The following ABCC2 variants were observed in gnomAD, a reference collection of about 807,000 sequenced individuals.
The protein encoded by ABCC2 is ATP-binding cassette sub-family C member 2.
ABCC2 carries 157 observed loss-of-function variants against 173.4 expected under a neutral mutation model. That is an observed-to-expected ratio of 0.91 (90% CI 0.80 to 1.03). The LOEUF (loss-of-function observed/expected upper bound fraction) is 1.03. Ranked by LOEUF, ABCC2 falls within the 50% of genes least tolerant of loss-of-function variation. The probability of loss-of-function intolerance (pLI) is 0.00; values close to 1 mark genes in which losing one functional copy is unlikely to be tolerated. For missense variants in ABCC2, 1,822 were observed against 1,852.3 expected (o/e 0.98, Z 0.30); for synonymous variants, 657 against 693.5 (o/e 0.95, Z 0.83).
At chr10:99,810,099 CTT>C in intron 13 of ABCC2, 33 bp from the exon 14 acceptor site, 1 of 1,588,670 alleles carries the variant, frequency 6.3e-7, no homozygotes, top group Non-Finnish European at 8.6e-7. Flanking sequence ...TCGTTACTGA[CTT>C]TAATTCTTGA....
Position 99,813,156 on chromosome 10 carries a change from T to C in ABCC2, c.2094+12T>C. 2.5e-6 allele frequency: 4 copies of C among 1,612,936 alleles called. No individual in the cohort carries two copies. Among genetic ancestry groups the C allele is most frequent in the Non-Finnish European group, 3.4e-6 (4 of 1,179,512 alleles). On this transcript the variant is annotated intron_variant, in intron 16 of 31. Transcript: ENST00000647814. ...ACATCACCATCAAGGTGAGAGGGAA[T>C]GCCAATGCAAAAGCCTCTGACTCCC...
chr10:99,849,332 C>T (rs1225007732), intron 30 of ABCC2, among the ~76,000 whole-genome samples: 1 of 152,222 alleles, frequency 6.6e-6, no homozygotes, highest in Non-Finnish European at 1.5e-5. Context: ...TGAAGACAGA[C>T]CTCTGTCAGT....
intron 6 of ABCC2, 191 bp downstream of exon 6, chr10:99,794,659 C>T (rs1397497342): frequency 5.4e-6 from 3 of 557,186 alleles, no homozygotes; most frequent in South Asian, 2.1e-5. Flanking sequence ...ATTATCCTGC[C>T]TCAGCCTCGC....
chr10:99,850,363 C>T (rs563783042), intron 30 of ABCC2, among the ~76,000 whole-genome samples: 9 of 152,300 alleles, frequency 5.9e-5, no homozygotes, highest in African/African-American at 2.2e-4. Flanking sequence ...TTGAGCAAAG[C>T]AAGGGCCCAG....
chr10:99,814,794 C>CGTGTGTGTGTGTGTATGT (rs1564686229), intron 16 of ABCC2, among the ~76,000 whole-genome samples: 3 of 90,700 alleles, frequency 3.3e-5, no homozygotes, highest in African/African-American at 1.5e-4. Context: ...TACACACACA[C>CGTGTGTGTGTGTGTATGT]ATATGTGTGT....
rs556817133 is a variant in ABCC2 at position 99,815,733 on chromosome 10, T to C, written c.2095-1575T>C. Among the ~76,000 whole-genome samples the C allele has an allele frequency of 2.6e-3, 391 of 152,156 alleles. 3 individuals carry two copies. Among genetic ancestry groups the C allele is most frequent in the African/African-American group, 8.5e-3 (353 of 41,420 alleles). ...GAATGCTTCCTCCAATTGATTTATA[T>C]TGACCTGCTTGACAAAAAAATGTAA... On this transcript the variant is annotated intron_variant, in intron 16 of 31. Transcript: ENST00000647814.
rs747613558 is a variant in ABCC2, at chr10:99,818,804, T to TG, written c.2291dup (p.Gln765SerfsTer22). 6.2e-7 allele frequency: 1 copy of TG among 1,614,050 alleles called. No homozygotes were observed. The highest frequency in any genetic ancestry group is 1.3e-5 in the African/African-American group (1 of 74,932). On this transcript the variant is annotated frameshift_variant, in exon 18 of 32. Coordinates refer to ENST00000647814, the MANE Select transcript of ABCC2 (RefSeq NM_000392.5). LOFTEE classifies it high-confidence loss of function. Reference sequence around the variant, plus strand: ...TTCTTCTTCAGGGTATAAATCTTAGTGGGGGTCAGAAGCAGCGGATCAGCC... The same window carrying TG: ...TTCTTCTTCAGGGTATAAATCTTAGTGGGGGGTCAGAAGCAGCGGATCAGCC...
At chr10:99,819,420 T>C in intron 19 of ABCC2, 151 bp downstream of exon 19, 1 of 832,658 alleles carries the variant, frequency 1.2e-6, no homozygotes, top group South Asian at 1.5e-5. Context: ...GTTCTGTGTC[T>C]CTTTGAGGAA....
intron 9 of ABCC2, 115 bp from the exon 10 acceptor site, chr10:99,803,904 C>T: frequency 7.4e-7 from 1 of 1,351,284 alleles, no homozygotes; most frequent in Non-Finnish European, 1.0e-6. Flanking sequence ...CTTGGAGAAG[C>T]TGTGTCCATA....
At position 99,844,424 on chromosome 10, in the gene ABCC2, G is replaced by T. The variant is rs760513620; in HGVS notation, c.3946G>T (p.Val1316Phe). The change falls in exon 28 of 32, where the codon GTC (valine) becomes TTC (phenylalanine). Residue 1316 changes from valine (V) to phenylalanine (F), a missense_variant. Coordinates refer to ENST00000647814, the MANE Select transcript of ABCC2 (RefSeq NM_000392.5). Reference sequence around the variant, plus strand: ...GCGGTACCGACCTGAGCTGGATCTGGTCCTCAGAGGGATCACTTGTGACAT... The same window carrying T: ...GCGGTACCGACCTGAGCTGGATCTGTTCCTCAGAGGGATCACTTGTGACAT... Reference protein sequence around the residue: ...QVRYRPELDLVLRGITCDIGS... With the variant: ...QVRYRPELDLFLRGITCDIGS... 6 of 1,614,058 alleles carry T rather than the reference G, an allele frequency of 3.7e-6. No homozygotes were observed. Among genetic ancestry groups the T allele is most frequent in the Non-Finnish European group, 5.1e-6 (6 of 1,180,052 alleles).
chr10:99,848,942 C>T (rs1322816275), intron 30 of ABCC2, among the ~76,000 whole-genome samples: 2 of 152,068 alleles, frequency 1.3e-5, no homozygotes, highest in East Asian at 1.9e-4. Flanking sequence ...GTAATAACAC[C>T]GGCCGGGCGC....
Position 99,831,717 on chromosome 10 carries a change from A to T in ABCC2, c.2990A>T (p.Asn997Ile). The T allele has an allele frequency of 6.2e-7, 1 of 1,614,160 alleles. No homozygotes were observed. Among genetic ancestry groups the T allele is most frequent in the Non-Finnish European group, 8.5e-7 (1 of 1,180,018 alleles). Reference protein sequence around the residue: ...VMNSVAFIGSNLWLSAWTSDS... With the variant: ...VMNSVAFIGSILWLSAWTSDS... ...AATTCTGTGGCTTTTATTGGATCCA[A>T]CCTCTGGCTCAGTGCTTGGACCAGT... The change falls in exon 22 of 32, where the codon AAC (asparagine) becomes ATC (isoleucine). Residue 997 changes from asparagine (N) to isoleucine (I), a missense_variant. Physicochemically the swap from Asn to Ile is moderately radical, Grantham distance 149. Transcript: ENST00000647814.
intron 9 of ABCC2, among the ~76,000 whole-genome samples, chr10:99,800,786 G>GAGA: frequency 6.6e-6 from 1 of 152,182 alleles, no homozygotes; most frequent in South Asian, 2.1e-4. Context: ...ACTCCCCAGG[G>GAGA]AGAAGCCTGC....
At chr10:99,792,431 T>C (rs2037825838) in intron 3 of ABCC2, 72 bp downstream of exon 3, 1 of 1,588,282 alleles carries the variant, frequency 6.3e-7, no homozygotes, top group African/African-American at 1.3e-5. Flanking sequence ...ATGTACTCTT[T>C]GGGGATGAAA....
Position 99,830,824 on chromosome 10 carries a change from TA to T in ABCC2, c.2858del (p.Lys953ArgfsTer5), listed in dbSNP as rs1564695039. 1 of 1,613,850 alleles carries T rather than the reference TA, an allele frequency of 6.2e-7. No individual in the cohort carries two copies. On this transcript the variant is annotated frameshift_variant, in exon 21 of 32. Coordinates refer to ENST00000647814, the MANE Select transcript of ABCC2 (RefSeq NM_000392.5). LOFTEE classifies it high-confidence loss of function. ...AACTAGTGAAAGGACAAAAACTAAT[TA>T]AGAAGGAATTCATAGAAACTGGAAA... ...EELVKGQKLI[K>X]KEFIETGKVK...
At chr10:99,808,277 T>C (rs1423290341) in intron 13 of ABCC2, 48 bp downstream of exon 13, 47 of 1,607,878 alleles carry the variant, frequency 2.9e-5, no homozygotes, top group Non-Finnish European at 3.9e-5. Context: ...GTTAAAAGCC[T>C]TGGAGTCCAG....
At chr10:99,838,345 T>C (rs1244088295) in intron 25 of ABCC2, among the ~76,000 whole-genome samples, 1 of 91,520 alleles carries the variant, frequency 1.1e-5, no homozygotes, top group Non-Finnish European at 2.2e-5. Flanking sequence ...CCCCCCCACC[T>C]CCCTCCCGGA....
At chr10:99,825,369 G>A (rs1019933935) in intron 19 of ABCC2, among the ~76,000 whole-genome samples, 9 of 151,700 alleles carry the variant, frequency 5.9e-5, no homozygotes, top group South Asian at 2.1e-4. Context: ...TTTGGCCACC[G>A]ATTTAAAGCA....
chr10:99,808,268 T>C, intron 13 of ABCC2, 39 bp downstream of exon 13: 1 of 1,612,034 alleles, frequency 6.2e-7, no homozygotes, highest in East Asian at 2.2e-5. Flanking sequence ...CTGTCTCTGG[T>C]TAAAAGCCTT....
Sources: allele counts gnomAD v4.1 joint callset (sites outside exome capture counted in the v4.1 genomes callset), GRCh38; gene constraint gnomAD v4.1.1; transcripts MANE v1.5; gene names NCBI Gene and HGNC (gene_info 2026-07-23, HGNC 2026-07-21).